PDE1C: variants seen among roughly 807,000 people sequenced by gnomAD.
PDE1C encodes the protein dual specificity calcium/calmodulin-dependent 3',5'-cyclic nucleotide phosphodiesterase 1C.
Under a neutral mutation model 93.1 loss-of-function variants are expected in PDE1C, and 62 were observed. The ratio of observed to expected loss-of-function variants is 0.67; its 90% CI spans 0.54 to 0.82. PDE1C has a LOEUF of 0.82. PDE1C is among the 40% of genes least tolerant of loss of function. PDE1C has a pLI of 0.00. For missense variants in PDE1C, 742 were observed against 884.6 expected (o/e 0.84, Z 2.04); for synonymous variants, 325 against 310.1 (o/e 1.05, Z -0.50).
At chr7:31,650,884 C>T in the PDE1C span, among the ~76,000 whole-genome samples, 1 of 152,182 alleles carries the variant, frequency 6.6e-6, no homozygotes, top group Non-Finnish European at 1.5e-5. Flanking sequence ...CTCCAGACTG[C>T]CTTCCAGCCT....
At chr7:32,229,547 A>G (rs1445082978) in intron 1 of PDE1C, among the ~76,000 whole-genome samples, 1 of 152,124 alleles carries the variant, frequency 6.6e-6, no homozygotes, top group Non-Finnish European at 1.5e-5. Flanking sequence ...AGACCTTTAT[A>G]CGTCTCTTGG....
At position 31,940,243 on chromosome 7, in the gene PDE1C, T is replaced by C. The variant is rs551182512; in HGVS notation, c.129-59383A>G. On this transcript the variant is annotated intron_variant, in intron 2 of 17. Coordinates refer to ENST00000396191, the MANE Select transcript of PDE1C (RefSeq NM_001191057.4). Reference sequence around the variant, plus strand: ...GTGCCACAATGTCTCCTTCTAGCCCTACCCAACCAAGCGGTATTGGAGGGG... The same window carrying C: ...GTGCCACAATGTCTCCTTCTAGCCCCACCCAACCAAGCGGTATTGGAGGGG... Among the ~76,000 whole-genome samples, 5 of 152,312 alleles carry C rather than the reference T, an allele frequency of 3.3e-5. No homozygotes were observed. In the East Asian group the frequency reaches 9.7e-4, roughly 29 times the overall value.
the PDE1C span, among the ~76,000 whole-genome samples, chr7:31,694,397 C>G: frequency 6.6e-6 from 1 of 151,678 alleles, no homozygotes; most frequent in Non-Finnish European, 1.5e-5. Flanking sequence ...AACACACACA[C>G]ACACACACAC....
At chr7:31,850,556 AG>A in intron 8 of PDE1C, 84 bp downstream of exon 8, 1 of 890,472 alleles carries the variant, frequency 1.1e-6, no homozygotes, top group Non-Finnish European at 1.9e-6. Flanking sequence ...CCTATGCAAA[AG>A]AAAGGTGACT....
the PDE1C span, among the ~76,000 whole-genome samples, chr7:31,743,448 G>T: frequency 6.6e-6 from 1 of 151,980 alleles, no homozygotes; most frequent in Non-Finnish European, 1.5e-5. Flanking sequence ...GAGTCAATAG[G>T]AGTATAAGAA....
At chr7:31,954,040 T>C (rs1247769578) in intron 2 of PDE1C, among the ~76,000 whole-genome samples, 2 of 152,196 alleles carry the variant, frequency 1.3e-5, no homozygotes, top group Admixed American at 6.5e-5. Flanking sequence ...AACTCATGAA[T>C]ATGAGGTCCA....
intron 2 of PDE1C, among the ~76,000 whole-genome samples, chr7:31,982,018 C>T (rs1259997557): frequency 6.6e-6 from 1 of 152,106 alleles, no homozygotes; most frequent in Non-Finnish European, 1.5e-5. Flanking sequence ...CTTAGATAAC[C>T]CCCCTTCTAA....
At chr7:32,193,119 T>C (rs1804351952) in intron 2 of PDE1C, among the ~76,000 whole-genome samples, 1 of 152,164 alleles carries the variant, frequency 6.6e-6, no homozygotes. Context: ...TACTTCTGTC[T>C]TTTTTATCTG....
At chr7:32,125,646 C>T (rs892166317) in intron 3 of PDE1C, among the ~76,000 whole-genome samples, 8 of 151,958 alleles carry the variant, frequency 5.3e-5, no homozygotes, top group African/African-American at 1.9e-4. Flanking sequence ...CATGTTCTCA[C>T]TCATAAGCAG....
chr7:32,098,251 A>G (rs924966396), intron 3 of PDE1C, among the ~76,000 whole-genome samples: 4 of 146,994 alleles, frequency 2.7e-5, no homozygotes, highest in African/African-American at 7.6e-5. Flanking sequence ...AAAAAAAGAC[A>G]TAAATCCACA....
At chr7:31,778,834 C>G (rs1783190824) in intron 16 of PDE1C, among the ~76,000 whole-genome samples, 1 of 152,110 alleles carries the variant, frequency 6.6e-6, no homozygotes, top group South Asian at 2.1e-4. Context: ...ATTTTTGTCT[C>G]CAAACATTTT....
intron 1 of PDE1C, among the ~76,000 whole-genome samples, chr7:32,230,949 A>G (rs1156602256): frequency 6.6e-6 from 1 of 152,200 alleles, no homozygotes; most frequent in African/African-American, 2.4e-5. Flanking sequence ...TCCAATTTTT[A>G]TAAAGTAGAA....
At chr7:31,755,729 C>T (rs746442508) in intron 17 of PDE1C, among the ~76,000 whole-genome samples, 2 of 152,090 alleles carry the variant, frequency 1.3e-5, no homozygotes, top group African/African-American at 4.8e-5. Context: ...AATAAATATC[C>T]ATGAGTCCAC....
At chr7:31,831,645 T>C (rs1278482200) in intron 11 of PDE1C, among the ~76,000 whole-genome samples, 3 of 151,814 alleles carry the variant, frequency 2.0e-5, no homozygotes, top group African/African-American at 7.3e-5. Flanking sequence ...AAAGAACACA[T>C]TTCACTCAAA....
chr7:32,053,318 G>C (rs1793629776), intron 1 of PDE1C, among the ~76,000 whole-genome samples: 1 of 152,170 alleles, frequency 6.6e-6, no homozygotes, highest in African/African-American at 2.4e-5. Flanking sequence ...CAAAAGCTAT[G>C]ATGCATGTGC....
chr7:31,895,213 G>A (rs1188748614), intron 2 of PDE1C, among the ~76,000 whole-genome samples: 1 of 152,130 alleles, frequency 6.6e-6, no homozygotes, highest in African/African-American at 2.4e-5. Flanking sequence ...ATTATTAGGG[G>A]CACTGCCATG....
chr7:32,111,037 C>T (rs1341671667), intron 3 of PDE1C, among the ~76,000 whole-genome samples: 1 of 152,104 alleles, frequency 6.6e-6, no homozygotes, highest in Non-Finnish European at 1.5e-5. Context: ...AAGAGGGTTT[C>T]ACATAAACCA....
chr7:31,840,000 G>A (rs1731826122), intron 9 of PDE1C, among the ~76,000 whole-genome samples: 1 of 152,158 alleles, frequency 6.6e-6, no homozygotes, highest in African/African-American at 2.4e-5. Flanking sequence ...TCATGCCACT[G>A]CACTCTAGCC....
intron 2 of PDE1C, among the ~76,000 whole-genome samples, chr7:31,922,894 T>G (rs148984933): frequency 0.017 from 2,534 of 152,336 alleles, 39 homozygotes; most frequent in Middle Eastern, 0.075. Flanking sequence ...CAACACAGTT[T>G]ATGACTATTG....
Sources: allele counts gnomAD v4.1 joint callset (sites outside exome capture counted in the v4.1 genomes callset), GRCh38; gene constraint gnomAD v4.1.1; transcripts MANE v1.5; gene names NCBI Gene and HGNC (gene_info 2026-07-23, HGNC 2026-07-21).